The following SNHG17 variants were observed in gnomAD, a reference collection of about 807,000 sequenced individuals.
SNHG17 encodes the protein small nucleolar RNA host gene 17, also known as small nucleolar RNA host gene 17 (non-protein coding).
At chr20:38,425,290 G>C (rs1464724732) in intron 5 of SNHG17, 3 of 519,068 alleles carry the variant, frequency 5.8e-6, no homozygotes, top group Non-Finnish European at 1.2e-5. Flanking sequence ...CACTATCAAT[G>C]ACCAGGGCAA....
chr20:38,424,736 T>C (rs1358587483), intron 5 of SNHG17, among the ~76,000 whole-genome samples: 2 of 151,968 alleles, frequency 1.3e-5, no homozygotes, highest in Non-Finnish European at 2.9e-5. Flanking sequence ...AGAGAGAGCT[T>C]CTGGGGGGAG....
intron 3 of SNHG17, among the ~76,000 whole-genome samples, chr20:38,426,993 CAT>C (rs1280694211): frequency 1.5e-5 from 2 of 132,896 alleles, no homozygotes; most frequent in African/African-American, 6.3e-5. Context: ...CCAAGTTACA[CAT>C]ACACACACAC....
intron 5 of SNHG17, among the ~76,000 whole-genome samples, chr20:38,425,686 AAG>A (rs1341471046): frequency 2.0e-5 from 3 of 152,288 alleles, no homozygotes; most frequent in Admixed American, 1.3e-4. Flanking sequence ...CTTCCCTCAT[AAG>A]AGAATGAGAT....
chr20:38,435,006 G>C, intron 1 of SNHG17: 1 of 1,230,078 alleles, frequency 8.1e-7, no homozygotes. Flanking sequence ...CAGCACTGCC[G>C]CGGCCAAGGG....
Position 38,426,230 on chromosome 20 carries a change from G to A in SNHG17, n.466-182C>T, listed in dbSNP as rs532858386. ...TCAGAGCCCAAGGGGAGCTCTGTAAGCCCCACCGTGATTCACACAGTGGAG... is the reference window on the plus strand; with the variant it reads ...TCAGAGCCCAAGGGGAGCTCTGTAAACCCCACCGTGATTCACACAGTGGAG... On this transcript the variant is annotated intron_variant and non_coding_transcript_variant, in intron 4 of 8. Coordinates refer to ENST00000654008, the Ensembl canonical transcript of SNHG17. Among the ~76,000 whole-genome samples the A allele has an allele frequency of 2.6e-5, 4 of 152,092 alleles. No individual in the cohort carries two copies. In the South Asian group the frequency reaches 8.3e-4, roughly 32 times the overall value.
chr20:38,432,078 C>G (rs779194567), intron 2 of SNHG17: 122 of 985,272 alleles, frequency 1.2e-4, no homozygotes, highest in Non-Finnish European at 1.4e-4. Context: ...GCCTCCTCTG[C>G]CAGAATCAAG....
At chr20:38,434,939 G>T in intron 1 of SNHG17, 3 of 1,226,874 alleles carry the variant, frequency 2.4e-6, no homozygotes, top group Non-Finnish European at 3.0e-6. Flanking sequence ...GGGGCACTAA[G>T]CCTCCCCGCA....
intron 1 of SNHG17, chr20:38,435,163 G>A (rs1600774031): frequency 8.1e-7 from 1 of 1,232,358 alleles, no homozygotes; most frequent in Non-Finnish European, 1.0e-6. Flanking sequence ...GATGGTGAGA[G>A]TGGAGCCGAC....
At chr20:38,427,462 C>A (rs773434416) in intron 3 of SNHG17, 2 of 509,472 alleles carry the variant, frequency 3.9e-6, no homozygotes, top group Non-Finnish European at 7.9e-6. Flanking sequence ...GACAGGAGAG[C>A]CAGGAAGGGC....
At chr20:38,431,898 A>T in intron 2 of SNHG17, 1 of 506,084 alleles carries the variant, frequency 2.0e-6, no homozygotes, top group Non-Finnish European at 2.6e-6. Flanking sequence ...AGACACTCTT[A>T]CCTCACCTCT....
chr20:38,429,693 AAG>A (rs547360538), intron 3 of SNHG17: 80 of 500,970 alleles, frequency 1.6e-4, no homozygotes, highest in African/African-American at 1.4e-3. Context: ...CAGGGTTTGG[AAG>A]AGACAGGAGT....
intron 2 of SNHG17, among the ~76,000 whole-genome samples, chr20:38,431,804 A>G (rs1240812748): frequency 2.0e-5 from 3 of 152,190 alleles, no homozygotes; most frequent in Non-Finnish European, 2.9e-5. Flanking sequence ...AGGGATCCCT[A>G]AAGATGCTAA....
intron 3 of SNHG17, among the ~76,000 whole-genome samples, chr20:38,426,925 A>G (rs768822043): frequency 1.3e-5 from 2 of 148,240 alleles, no homozygotes; most frequent in African/African-American, 2.5e-5. Context: ...ACCCTTCAGG[A>G]CCCCCTATTC....
At chr20:38,423,521 A>G (rs574399435) in intron 5 of SNHG17, among the ~76,000 whole-genome samples, 29 of 140,026 alleles carry the variant, frequency 2.1e-4, no homozygotes, top group African/African-American at 7.0e-4. Context: ...ACAGACAAAC[A>G]GTGCATATCT....
At position 38,423,203 on chromosome 20, in the gene SNHG17, C is replaced by G. The variant is rs114227922; in HGVS notation, n.580-962G>C. 7.0e-3 allele frequency among the ~76,000 whole-genome samples: 1,060 copies of G among 151,694 alleles called. 13 individuals carry two copies. Among genetic ancestry groups the G allele is most frequent in the African/African-American group, 0.025 (1,017 of 41,394 alleles). On this transcript the variant is annotated intron_variant and non_coding_transcript_variant, in intron 5 of 8. Coordinates refer to ENST00000654008, the Ensembl canonical transcript of SNHG17. The stretch of plus-strand genomic sequence containing the variant: ...TTTAAGCCCAGGAGTTGGAGACCAG[C>G]CTGGGCAACATCGCGAAACCCCATC...
At chr20:38,420,714 T>A (rs1407689770) in exon 8 of SNHG17, 1 of 152,184 alleles carries the variant, frequency 6.6e-6, no homozygotes, top group Non-Finnish European at 1.5e-5. Flanking sequence ...AGGCTGGCCT[T>A]CCCTGTCCAC....
chr20:38,426,680 A>T (rs2084253966), intron 3 of SNHG17, among the ~76,000 whole-genome samples: 1 of 150,706 alleles, frequency 6.6e-6, no homozygotes, highest in Non-Finnish European at 1.5e-5. Flanking sequence ...AACTCCACCC[A>T]TTCCTCCAGG....
intron 5 of SNHG17, among the ~76,000 whole-genome samples, chr20:38,424,740 G>C (rs1041453502): frequency 1.3e-5 from 2 of 152,178 alleles, no homozygotes; most frequent in South Asian, 2.1e-4. Flanking sequence ...AGAGCTTCTG[G>C]GGGGAGCTCT....
exon 8 of SNHG17, chr20:38,420,779 T>C (rs1253370728): frequency 1.3e-5 from 2 of 152,206 alleles, no homozygotes; most frequent in African/African-American, 2.4e-5. Flanking sequence ...CTTGTGCAGA[T>C]TGAACAGTGG....
Sources: gnomAD v4.1 joint callset for allele counts (sites outside exome capture counted in the v4.1 genomes callset) on GRCh38, gnomAD v4.1.1 for gene constraint, MANE v1.5 for transcripts, NCBI Gene and HGNC (gene_info 2026-07-23, HGNC 2026-07-21) for gene names.